Variants in ADK observed in about 807,000 individuals in gnomAD.
ADK encodes the protein adenosine kinase.
Under a neutral mutation model 44.7 loss-of-function variants are expected in ADK, and 24 were observed. The ratio of observed to expected loss-of-function variants is 0.54; its 90% CI spans 0.39 to 0.76. The LOEUF is 0.76. Ranked by LOEUF, ADK falls within the 30% of genes least tolerant of loss-of-function variation. The pLI is 0.00. For synonymous variants in ADK, 128 were observed against 142.6 expected (o/e 0.90, Z 0.73); for missense variants, 321 against 425.1 (o/e 0.76, Z 2.15).
chr10:74,301,407 G>A (rs770049926), intron 3 of ADK, among the ~76,000 whole-genome samples: 5 of 151,362 alleles, frequency 3.3e-5, no homozygotes, highest in South Asian at 4.2e-4. Context: ...TCAGCTTCTC[G>A]GGAGGCTAAG....
At chr10:74,693,627 G>C (rs1469081593) in intron 10 of ADK, among the ~76,000 whole-genome samples, 4 of 152,158 alleles carry the variant, frequency 2.6e-5, no homozygotes, top group Non-Finnish European at 5.9e-5. Flanking sequence ...CGTTTCAAAA[G>C]ATGCGTACTG....
chr10:74,317,380 T>C (rs1041797245), intron 4 of ADK, among the ~76,000 whole-genome samples: 21 of 152,126 alleles, frequency 1.4e-4, no homozygotes, highest in African/African-American at 5.1e-4. Context: ...TTGGTTACTT[T>C]GTCAGTTTTT....
intron 1 of ADK, among the ~76,000 whole-genome samples, chr10:74,186,806 T>C (rs11000911): frequency 0.53 from 81,188 of 152,036 alleles, 22,728 homozygotes; most frequent in Non-Finnish European, 0.62. Flanking sequence ...CAGTAGTTTT[T>C]CCCTTTTATT....
At chr10:74,437,594 C>T (rs895514296) in intron 6 of ADK, among the ~76,000 whole-genome samples, 18 of 152,178 alleles carry the variant, frequency 1.2e-4, no homozygotes, top group Admixed American at 1.2e-3. Flanking sequence ...TCAGCAATTA[C>T]CATTCTATTA....
At chr10:74,625,422 G>A (rs1280365222) in intron 9 of ADK, among the ~76,000 whole-genome samples, 2 of 152,032 alleles carry the variant, frequency 1.3e-5, no homozygotes, top group Non-Finnish European at 2.9e-5. Flanking sequence ...TAAATGCTAT[G>A]CTGGGCAATA....
intron 10 of ADK, among the ~76,000 whole-genome samples, chr10:74,699,223 C>T (rs1234514264): frequency 1.3e-5 from 2 of 150,490 alleles, no homozygotes; most frequent in East Asian, 3.9e-4. Flanking sequence ...CACTCTGGGG[C>T]CTGAGGCTGT....
intron 9 of ADK, among the ~76,000 whole-genome samples, chr10:74,607,844 T>G (rs1253501685): frequency 1.3e-5 from 2 of 151,350 alleles, no homozygotes; most frequent in Non-Finnish European, 3.0e-5. Flanking sequence ...TTGGTTCCAT[T>G]CTCCCCATCA....
At chr10:74,243,734 A>G (rs1845311232) in intron 3 of ADK, among the ~76,000 whole-genome samples, 1 of 152,150 alleles carries the variant, frequency 6.6e-6, no homozygotes, top group African/African-American at 2.4e-5. Flanking sequence ...ATGGTGGTGC[A>G]CACTTGTGGT....
intron 4 of ADK, among the ~76,000 whole-genome samples, chr10:74,350,838 TACATTCCTGGAC>T (rs1841939067): frequency 2.6e-5 from 4 of 151,742 alleles, no homozygotes; most frequent in African/African-American, 4.8e-5. Context: ...CATTCCTGGA[TACATTCCTGGAC>T]ACATACACCC....
rs147914620 is a variant in ADK, at chr10:74,648,407, C to T, written c.878-21776C>T. On this transcript the variant is annotated intron_variant, in intron 9 of 10. Transcript: ENST00000539909. ...GAAAGGAAAATGCCTAGGCCGGGCGCCGTGGCTCACACCTGTAATCCCAGC... is the reference window on the plus strand; with the variant it reads ...GAAAGGAAAATGCCTAGGCCGGGCGTCGTGGCTCACACCTGTAATCCCAGC... Among the ~76,000 whole-genome samples, 816 of 152,244 alleles carry T rather than the reference C, an allele frequency of 5.4e-3. 5 individuals carry two copies. The highest frequency in any genetic ancestry group is 0.018 in the African/African-American group (768 of 41,552).
intron 7 of ADK, among the ~76,000 whole-genome samples, chr10:74,554,127 T>A (rs1046060982): frequency 6.6e-6 from 1 of 152,188 alleles, no homozygotes; most frequent in Non-Finnish European, 1.5e-5. Flanking sequence ...GTTCTCATAC[T>A]CTTTCTTGTG....
Position 74,600,501 on chromosome 10 carries a change from T to C in ADK, c.877+8T>C, listed in dbSNP as rs368780442. ...ACACTATAATGGCTACAGGTACATGTGGGAAATGTGTGATGAATCTAGTAT... is the reference window on the plus strand; with the variant it reads ...ACACTATAATGGCTACAGGTACATGCGGGAAATGTGTGATGAATCTAGTAT... On this transcript the variant is annotated splice_region_variant and intron_variant, in intron 9 of 10. Transcript: ENST00000539909. 6.3e-6 allele frequency: 10 copies of C among 1,579,482 alleles called. No homozygotes were observed. Among genetic ancestry groups the C allele is most frequent in the Non-Finnish European group, 8.7e-6 (10 of 1,151,610 alleles).
rs936218895 is a variant in ADK, at chr10:74,168,889, A to G, written c.65+17546A>G. On this transcript the variant is annotated intron_variant, in intron 1 of 10. Coordinates refer to ENST00000539909, the MANE Select transcript of ADK (RefSeq NM_006721.4). ...TCCTTCCAAACTGCTGTGATTACAG[A>G]CGTGAGCCACCGTGCCTTGCCAAAA... 2.0e-5 allele frequency among the ~76,000 whole-genome samples: 3 copies of G among 152,196 alleles called. No homozygotes were observed. In the East Asian group the frequency reaches 5.9e-4, roughly 30 times the overall value.
chr10:74,181,479 T>C (rs1842555938), intron 1 of ADK, among the ~76,000 whole-genome samples: 1 of 152,212 alleles, frequency 6.6e-6, no homozygotes, highest in Middle Eastern at 3.2e-3. Flanking sequence ...ATTTGGGAAA[T>C]GATAGAACAT....
intron 4 of ADK, among the ~76,000 whole-genome samples, chr10:74,335,045 C>T (rs1841359516): frequency 6.6e-6 from 1 of 152,106 alleles, no homozygotes; most frequent in Admixed American, 6.5e-5. Flanking sequence ...AGCCTTCACT[C>T]GACTCCTGGG....
At chr10:74,268,835 G>C (rs1256420075) in intron 3 of ADK, among the ~76,000 whole-genome samples, 1 of 152,104 alleles carries the variant, frequency 6.6e-6, no homozygotes, top group Non-Finnish European at 1.5e-5. Context: ...TTTAGCTTCT[G>C]TAAGATTTTT....
intron 4 of ADK, among the ~76,000 whole-genome samples, chr10:74,361,965 C>G (rs1302570121): frequency 1.3e-5 from 2 of 152,190 alleles, no homozygotes; most frequent in East Asian, 3.9e-4. Flanking sequence ...TTATTTACTT[C>G]TTTCCTTTCA....
At chr10:74,690,184 CTATT>C (rs1564853954) in intron 10 of ADK, among the ~76,000 whole-genome samples, 1 of 152,158 alleles carries the variant, frequency 6.6e-6, no homozygotes, top group African/African-American at 2.4e-5. Flanking sequence ...GGTTGGCTCT[CTATT>C]TATTATAGTA....
In ADK at chr10:74,514,820, CT is replaced by C. The variant is rs568574080; in HGVS notation, c.556-10429del. Among the ~76,000 whole-genome samples, 350 of 152,050 alleles carry C rather than the reference CT, an allele frequency of 2.3e-3. 3 individuals carry two copies. The highest frequency in any genetic ancestry group is 6.1e-3 in the Admixed American group (93 of 15,260). Reference sequence around the variant, plus strand: ...CCTTTTGACATTACATGTTTTCTTGCTTTTTTTCCTTCTTCTTCTTTTAAGA... The same window carrying C: ...CCTTTTGACATTACATGTTTTCTTGCTTTTTTCCTTCTTCTTCTTTTAAGA... On this transcript the variant is annotated intron_variant, in intron 6 of 10. Coordinates refer to ENST00000539909, the MANE Select transcript of ADK (RefSeq NM_006721.4).
Sources: gnomAD v4.1 joint callset for allele counts (sites outside exome capture counted in the v4.1 genomes callset) on GRCh38, gnomAD v4.1.1 for gene constraint, MANE v1.5 for transcripts, NCBI Gene and HGNC (gene_info 2026-07-23, HGNC 2026-07-21) for gene names.